The following SDCCAG8 variants were observed in gnomAD, a reference collection of about 807,000 sequenced individuals.
SDCCAG8 encodes the protein serologically defined colon cancer antigen 8.
Under a neutral mutation model 101.8 loss-of-function variants are expected in SDCCAG8, and 74 were observed. That is an observed-to-expected ratio of 0.73 (90% CI 0.60 to 0.88). The LOEUF (loss-of-function observed/expected upper bound fraction) is 0.88. Among genes scored for constraint, SDCCAG8 ranks in the 40% least tolerant of loss-of-function variants. The pLI is 0.00. For synonymous variants in SDCCAG8, 281 were observed against 292.9 expected, an observed-to-expected ratio of 0.96 and a Z score of 0.41; for missense variants, 787 against 822.6, an observed-to-expected ratio of 0.96 and a Z score of 0.53.
intron 8 of SDCCAG8, among the ~76,000 whole-genome samples, chr1:243,309,870 G>T (rs201936344): frequency 1.8e-4 from 15 of 83,314 alleles, no homozygotes; most frequent in East Asian, 1.4e-3. Flanking sequence ...TGTTTGTTTT[G>T]TTTTTGTTTT....
At chr1:243,375,974 A>G (rs932686741) in intron 12 of SDCCAG8, among the ~76,000 whole-genome samples, 10 of 152,186 alleles carry the variant, frequency 6.6e-5, no homozygotes, top group Non-Finnish European at 1.2e-4. Context: ...GGCATGGATA[A>G]TCAGAAGCAG....
intron 11 of SDCCAG8, among the ~76,000 whole-genome samples, chr1:243,342,692 T>C (rs1343436027): frequency 1.3e-5 from 2 of 152,156 alleles, no homozygotes; most frequent in Non-Finnish European, 2.9e-5. Flanking sequence ...TGGCTCCTCA[T>C]TTTTTTCCTG....
rs113232441 is a variant in SDCCAG8 at position 243,412,568 on chromosome 1, T to G, written c.1617-3134T>G. Among the ~76,000 whole-genome samples the G allele has an allele frequency of 2.5e-3, 383 of 152,268 alleles. 2 individuals carry two copies. Among genetic ancestry groups the G allele is most frequent in the Middle Eastern group, 0.01 (3 of 294 alleles). On this transcript the variant is annotated intron_variant, in intron 13 of 17. Transcript: ENST00000366541. ...TTCTTAAAACATTATGAGATTTTTT[T>G]TGTGTGATTTTCTTTTCTTTTCTTT...
chr1:243,495,820 C>G (rs1667712181), intron 17 of SDCCAG8, among the ~76,000 whole-genome samples: 1 of 152,278 alleles, frequency 6.6e-6, no homozygotes, highest in Admixed American at 6.5e-5. Context: ...ATCCAGGTTG[C>G]CTTCCCAATT....
At chr1:243,472,815 C>A (rs1265479863) in intron 16 of SDCCAG8, among the ~76,000 whole-genome samples, 2 of 152,124 alleles carry the variant, frequency 1.3e-5, no homozygotes, top group Admixed American at 6.5e-5. Flanking sequence ...ATTTGTGACT[C>A]CAGCAAACAA....
At chr1:243,293,960 A>T (rs1295841672) in intron 6 of SDCCAG8, among the ~76,000 whole-genome samples, 1 of 152,070 alleles carries the variant, frequency 6.6e-6, no homozygotes, top group African/African-American at 2.4e-5. Flanking sequence ...TATTTCAGTT[A>T]TTATACTTTT....
intron 17 of SDCCAG8, among the ~76,000 whole-genome samples, chr1:243,494,727 C>T (rs1302301622): frequency 1.3e-5 from 2 of 152,300 alleles, no homozygotes; most frequent in East Asian, 1.9e-4. Flanking sequence ...CAGATACATT[C>T]ACTCTACTTA....
intron 13 of SDCCAG8, among the ~76,000 whole-genome samples, chr1:243,381,826 A>T (rs984629806): frequency 1.3e-5 from 2 of 152,338 alleles, no homozygotes; most frequent in East Asian, 3.9e-4. Context: ...CAACAGTGCA[A>T]TGATAAAAGT....
intron 16 of SDCCAG8, among the ~76,000 whole-genome samples, chr1:243,487,377 C>T (rs914527733): frequency 6.6e-6 from 1 of 152,188 alleles, no homozygotes; most frequent in Non-Finnish European, 1.5e-5. Context: ...GGGTAGGGGC[C>T]GATGAGGCTT....
intron 6 of SDCCAG8, among the ~76,000 whole-genome samples, chr1:243,294,501 A>AAGAGTGAGAGAGAGAGAGAGAG (rs2070627731): frequency 1.1e-4 from 3 of 26,704 alleles, no homozygotes; most frequent in African/African-American, 3.7e-4. Context: ...GAGAGAGAGA[A>AAGAGTGAGAGAGAGAGAGAGAG]AGAGCGAGAG....
chr1:243,257,763 T>G (rs1033401753), intron 1 of SDCCAG8, among the ~76,000 whole-genome samples: 1 of 152,182 alleles, frequency 6.6e-6, no homozygotes, highest in African/African-American at 2.4e-5. Flanking sequence ...CCTACTGATG[T>G]TTCAAGAGCT....
chr1:243,295,674 A>C (rs999167934), intron 6 of SDCCAG8, among the ~76,000 whole-genome samples: 2 of 152,078 alleles, frequency 1.3e-5, no homozygotes, highest in Non-Finnish European at 2.9e-5. Context: ...TCCCTCCCCA[A>C]AATGTTCCCT....
At chr1:243,388,698 CAAAAAA>C (rs11296139) in intron 13 of SDCCAG8, among the ~76,000 whole-genome samples, 12 of 134,336 alleles carry the variant, frequency 8.9e-5, no homozygotes, top group Non-Finnish European at 1.6e-4. Flanking sequence ...CCAGCTCTAC[CAAAAAA>C]AAAAAAAAAA....
At chr1:243,348,555 G>A (rs1173445515) in intron 12 of SDCCAG8, among the ~76,000 whole-genome samples, 1 of 152,132 alleles carries the variant, frequency 6.6e-6, no homozygotes, top group Non-Finnish European at 1.5e-5. Context: ...GCAGGGCAGG[G>A]CGGGATAGAG....
chr1:243,439,736 G>T (rs2082405477), intron 16 of SDCCAG8, among the ~76,000 whole-genome samples: 1 of 151,912 alleles, frequency 6.6e-6, no homozygotes, highest in African/African-American at 2.4e-5. Flanking sequence ...GAGGCTCTGA[G>T]AAGTTATATA....
intron 16 of SDCCAG8, among the ~76,000 whole-genome samples, chr1:243,462,445 G>C (rs1351714971): frequency 2.6e-5 from 4 of 152,208 alleles, no homozygotes; most frequent in African/African-American, 9.6e-5. Flanking sequence ...TAACCAGTGA[G>C]GTTTCCCTCC....
chr1:243,452,353 C>T (rs2083421097), intron 16 of SDCCAG8, among the ~76,000 whole-genome samples: 1 of 151,240 alleles, frequency 6.6e-6, no homozygotes, highest in Non-Finnish European at 1.5e-5. Context: ...AGTTAGACTC[C>T]TCTATCTCTT....
chr1:243,346,470 C>G (rs1360243075), intron 12 of SDCCAG8, among the ~76,000 whole-genome samples: 1 of 152,096 alleles, frequency 6.6e-6, no homozygotes, highest in Non-Finnish European at 1.5e-5. Flanking sequence ...TTCATCTGAC[C>G]ACTTGATACA....
chr1:243,263,110 G>A (rs1006202432), intron 1 of SDCCAG8, among the ~76,000 whole-genome samples: 34 of 152,104 alleles, frequency 2.2e-4, no homozygotes, highest in Admixed American at 2.2e-3. Flanking sequence ...ATCAAGAGGC[G>A]GCAACACTTA....
Sources: gnomAD v4.1 joint callset for allele counts (sites outside exome capture counted in the v4.1 genomes callset) on GRCh38, gnomAD v4.1.1 for gene constraint, MANE v1.5 for transcripts, NCBI Gene and HGNC (gene_info 2026-07-23, HGNC 2026-07-21) for gene names.